The following PLEKHA7 variants were observed in gnomAD, a reference collection of about 807,000 sequenced individuals.
PLEKHA7 encodes the protein pleckstrin homology domain containing A7, also known as pleckstrin homology domain-containing family A member 7.
Under a neutral mutation model 170.0 loss-of-function variants are expected in PLEKHA7, and 104 were observed. The observed-to-expected ratio is 0.61, with a 90% confidence interval of 0.52 to 0.72. The LOEUF (loss-of-function observed/expected upper bound fraction) is 0.72, where lower values mean the gene tolerates loss of function less well. Among genes scored for constraint, PLEKHA7 ranks in the 30% least tolerant of loss-of-function variants. The probability of loss-of-function intolerance (pLI) is 0.00; values close to 1 mark genes in which losing one functional copy is unlikely to be tolerated. For missense variants in PLEKHA7, 1,615 were observed against 1,671.7 expected (o/e 0.97, Z 0.59); for synonymous variants, 648 against 660.8 (o/e 0.98, Z 0.30).
At chr11:17,001,248 C>T (rs1047451471) in intron 3 of PLEKHA7, among the ~76,000 whole-genome samples, 1 of 152,150 alleles carries the variant, frequency 6.6e-6, no homozygotes, top group Non-Finnish European at 1.5e-5. Flanking sequence ...TCCCCAGCAC[C>T]GAGTGTCTGG....
intron 3 of PLEKHA7, among the ~76,000 whole-genome samples, chr11:16,919,832 C>CAG (rs1158681808): frequency 6.6e-6 from 1 of 151,980 alleles, no homozygotes; most frequent in African/African-American, 2.4e-5. Flanking sequence ...TAATTAGAAT[C>CAG]AGAGAGAGAG....
chr11:16,818,671 G>A (rs181116462), intron 10 of PLEKHA7, among the ~76,000 whole-genome samples: 17 of 152,304 alleles, frequency 1.1e-4, no homozygotes, highest in Admixed American at 7.8e-4. Context: ...GTTTCACACC[G>A]TGGTATTGTC....
Position 16,801,595 on chromosome 11 carries a change from T to C in PLEKHA7, c.2307+73A>G, listed in dbSNP as rs1192545524. On this transcript the variant is annotated intron_variant, in intron 16 of 26. Coordinates refer to ENST00000531066, the MANE Select transcript of PLEKHA7 (RefSeq NM_001329630.2). ...GCCTCTGGACACCAACTCAACTACA[T>C]CTTGGGAGGGGAGAAAAGCAGCCCC... is the stretch of plus-strand genomic sequence containing the variant. The C allele has an allele frequency of 6.3e-6, 10 of 1,575,616 alleles. No homozygotes were observed. The African/African-American group carries it at 1.2e-4, about 19-fold the overall frequency.
intron 3 of PLEKHA7, among the ~76,000 whole-genome samples, chr11:16,913,790 G>A (rs1240350311): frequency 6.6e-6 from 1 of 152,110 alleles, no homozygotes; most frequent in Non-Finnish European, 1.5e-5. Context: ...TCAGAAGCAG[G>A]GACCTCACCC....
intron 26 of PLEKHA7, chr11:16,780,975 C>T (rs974673301): frequency 3.0e-5 from 30 of 985,936 alleles, no homozygotes; most frequent in Middle Eastern, 5.2e-4. Flanking sequence ...TAGTGGAGTC[C>T]GTTGGTAAAA....
At chr11:16,832,408 T>A (rs975347705) in intron 9 of PLEKHA7, among the ~76,000 whole-genome samples, 1 of 152,196 alleles carries the variant, frequency 6.6e-6, no homozygotes, top group Non-Finnish European at 1.5e-5. Flanking sequence ...AAATTCTTAT[T>A]TTCCCTTGCA....
chr11:16,782,814 T>A lies in PLEKHA7; in HGVS notation c.3733A>T (p.Ile1245Phe). Residue 1245 changes from isoleucine (I) to phenylalanine (F), a missense_variant, in exon 26 of 27, where the codon ATC becomes TTC. Physicochemically the swap from Ile to Phe is conservative, Grantham distance 21. Transcript: ENST00000531066. ...LDLQLQEQERIINISYALASE... is the reference protein window; with the variant it reads ...LDLQLQEQERFINISYALASE... ...GCCAGGGCGTAGGAGATGTTGATGA[T>A]GCGCTCCTGCTCCTGCAGCTGCAAG... The A allele has an allele frequency of 6.5e-7, 1 of 1,536,152 alleles. No homozygotes were observed. The highest frequency in any genetic ancestry group is 8.7e-7 in the Non-Finnish European group (1 of 1,146,904).
At chr11:16,790,726 G>A (rs1039480726) in intron 21 of PLEKHA7, 72 bp downstream of exon 21, 5 of 1,460,676 alleles carry the variant, frequency 3.4e-6, no homozygotes, top group East Asian at 2.3e-5. Context: ...AGAAGGGTAC[G>A]AGGCACCAGC....
chr11:16,960,076 C>T (rs1216260717), intron 3 of PLEKHA7, among the ~76,000 whole-genome samples: 1 of 152,238 alleles, frequency 6.6e-6, no homozygotes, highest in Admixed American at 6.5e-5. Flanking sequence ...TGTGTGTGCA[C>T]ACACGCCTCC....
At chr11:16,799,837 A>G (rs1198037982) in intron 17 of PLEKHA7, among the ~76,000 whole-genome samples, 1 of 152,182 alleles carries the variant, frequency 6.6e-6, no homozygotes, top group Admixed American at 6.5e-5. Flanking sequence ...CTTGTAGACC[A>G]GCCCTGAGCC....
intron 3 of PLEKHA7, among the ~76,000 whole-genome samples, chr11:16,916,136 T>C (rs950521477): frequency 6.6e-6 from 1 of 152,218 alleles, no homozygotes; most frequent in African/African-American, 2.4e-5. Flanking sequence ...TTGTTTCATG[T>C]GTTTTTTGGC....
chr11:17,014,069 G>C (rs1014133644), intron 2 of PLEKHA7, 23 bp from the exon 3 acceptor site: 10 of 1,577,348 alleles, frequency 6.3e-6, no homozygotes, highest in South Asian at 3.4e-5. Flanking sequence ...CAGAAAAGTC[G>C]GGTCAAACTT....
Position 16,789,813 on chromosome 11 carries a change from T to C in PLEKHA7, c.3118A>G (p.Arg1040Gly). 6.2e-7 allele frequency: 1 copy of C among 1,614,010 alleles called. No individual in the cohort carries two copies. The highest frequency in any genetic ancestry group is 8.5e-7 in the Non-Finnish European group (1 of 1,179,968). ...TTGCTGCTTTCGGCATTGAGACCCC[T>C]CCGGAGTGTGACGTAGGGAGCAATG... ...STIAPYVTLR[R>G]GLNAESSKAT... is the part of the protein sequence containing the mutation. The change falls in exon 22 of 27, where the codon AGG becomes GGG. Residue 1040 changes from arginine (R) to glycine (G), a missense_variant. Physicochemically the swap from Arg to Gly is moderately radical, Grantham distance 125. Coordinates refer to ENST00000531066, the MANE Select transcript of PLEKHA7 (RefSeq NM_001329630.2). This position sits in a 1 kb window ranked among gnomAD's most constrained non-coding sequence, Gnocchi z 4.6.
intron 3 of PLEKHA7, among the ~76,000 whole-genome samples, chr11:16,891,399 A>T (rs551997543): frequency 6.6e-6 from 1 of 152,326 alleles, no homozygotes; most frequent in South Asian, 2.1e-4. Flanking sequence ...GCTGGCAGCC[A>T]TCAGAAGCAA....
chr11:16,914,694 CACT>C (rs1403199313), intron 3 of PLEKHA7, among the ~76,000 whole-genome samples: 2 of 152,146 alleles, frequency 1.3e-5, no homozygotes, highest in Non-Finnish European at 2.9e-5. Context: ...TAGAGTTCAC[CACT>C]ATTTATCAAT....
rs753796125 is a variant in PLEKHA7 at position 16,794,695 on chromosome 11, C to A, written c.2538G>T (p.Leu846Phe). ...VKNPERKTVP[L>F]FPHPPVPSLS... ...GTGAAGGCACAGGCGGGTGAGGAAACAAAGGCACCGTTTTTCTCTCTAAGG... is the reference window on the plus strand; with the variant it reads ...GTGAAGGCACAGGCGGGTGAGGAAAAAAAGGCACCGTTTTTCTCTCTAAGG... Residue 846 changes from leucine (L) to phenylalanine (F), a missense_variant, in exon 19 of 27, where the codon TTG becomes TTT. Leu to Phe is a conservative substitution (Grantham distance 22). Transcript: ENST00000531066. 2 of 1,613,454 alleles carry A rather than the reference C, an allele frequency of 1.2e-6. No individual in the cohort carries two copies. Among genetic ancestry groups the A allele is most frequent in the Admixed American group, 1.7e-5 (1 of 60,002 alleles).
At chr11:16,780,544 A>G (rs1848944998) in intron 26 of PLEKHA7, among the ~76,000 whole-genome samples, 1 of 152,250 alleles carries the variant, frequency 6.6e-6, no homozygotes, top group South Asian at 2.1e-4. Flanking sequence ...CAGTTCTTCA[A>G]TTTCTTTGGC....
In PLEKHA7 at chr11:16,817,209, G is replaced by A. The variant is rs1483800483; in HGVS notation, c.1457C>T (p.Pro486Leu). The change falls in exon 11 of 27, where the codon CCA becomes CTA. Residue 486 changes from proline to leucine, a missense_variant. Transcript: ENST00000531066. This position sits in a 1 kb window ranked among gnomAD's most constrained non-coding sequence, Gnocchi z 4.4. Reference sequence around the variant, plus strand: ...GTCACTTGGCAGGTTTCGGGGAGGTGGCGAGGAGCCCCCCGAGGGGTGTCG... The same window carrying A: ...GTCACTTGGCAGGTTTCGGGGAGGTAGCGAGGAGCCCCCCGAGGGGTGTCG... The part of the protein sequence containing the change: ...STRHPSGGSS[P>L]PPRNLPSDYK... 3 of 1,614,118 alleles carry A rather than the reference G, an allele frequency of 1.9e-6. 1 individual carries two copies. The South Asian group carries it at 3.3e-5, about 18-fold the overall frequency.
intron 3 of PLEKHA7, among the ~76,000 whole-genome samples, chr11:16,882,068 A>C (rs1297632747): frequency 6.6e-6 from 1 of 152,242 alleles, no homozygotes; most frequent in African/African-American, 2.4e-5. Flanking sequence ...TGCAGGTGAC[A>C]CTTGAATATG....
Sources: allele counts gnomAD v4.1 joint callset (sites outside exome capture counted in the v4.1 genomes callset), GRCh38; gene constraint gnomAD v4.1.1; non-coding constraint Gnocchi (gnomAD v3.1); transcripts MANE v1.5; gene names NCBI Gene and HGNC (gene_info 2026-07-23, HGNC 2026-07-21).